ADGRB3: variants seen among roughly 807,000 people sequenced by gnomAD.
The protein encoded by ADGRB3 is adhesion G protein-coupled receptor B3.
Under a neutral mutation model 193.4 loss-of-function variants are expected in ADGRB3, and 37 were observed. That is an observed-to-expected ratio of 0.19 (90% CI 0.15 to 0.25). The LOEUF is 0.25. ADGRB3 is among the 10% of genes least tolerant of loss of function. The probability of loss-of-function intolerance (pLI) is 1.00; values close to 1 mark genes in which losing one functional copy is unlikely to be tolerated. For synonymous variants in ADGRB3, 690 were observed against 644.2 expected (o/e 1.07, Z -1.08); for missense variants, 1,637 against 1,852.9 (o/e 0.88, Z 2.14).
intron 20 of ADGRB3, among the ~76,000 whole-genome samples, chr6:69,311,455 A>G (rs1768190323): frequency 6.6e-6 from 1 of 151,778 alleles, no homozygotes; most frequent in Non-Finnish European, 1.5e-5. Context: ...CTTAGCTAAC[A>G]GAGGCTTCAA....
rs1311883198 is a variant in ADGRB3 at position 69,240,954 on chromosome 6, G to GT, written c.2814+1731dup. Among the ~76,000 whole-genome samples the GT allele has an allele frequency of 3.3e-5, 5 of 152,048 alleles. No individual in the cohort carries two copies. In the East Asian group the frequency reaches 7.7e-4, roughly 23 times the overall value. On this transcript the variant is annotated intron_variant, in intron 20 of 31. Transcript: ENST00000370598. Reference sequence around the variant, plus strand: ...AAGCTAAAGCCAGCTAGAGCTCAGAGTTTAAGTTTTTTTCACAAAACATTC... The same window carrying GT: ...AAGCTAAAGCCAGCTAGAGCTCAGAGTTTTAAGTTTTTTTCACAAAACATTC...
chr6:68,951,177 AT>A (rs200497463), intron 6 of ADGRB3, among the ~76,000 whole-genome samples: 10 of 152,120 alleles, frequency 6.6e-5, no homozygotes, highest in African/African-American at 1.9e-4. Context: ...GTTATTCTGG[AT>A]TTTAAAAAAA....
At chr6:69,294,930 G>A (rs777652989) in intron 20 of ADGRB3, among the ~76,000 whole-genome samples, 6 of 152,200 alleles carry the variant, frequency 3.9e-5, no homozygotes, top group Non-Finnish European at 7.4e-5. Context: ...ATATCACCTT[G>A]TTCAATTCAT....
At chr6:69,308,719 G>A (rs1768117532) in intron 20 of ADGRB3, among the ~76,000 whole-genome samples, 1 of 151,560 alleles carries the variant, frequency 6.6e-6, no homozygotes, top group African/African-American at 2.4e-5. Flanking sequence ...CTGATCATTA[G>A]GAACTAATTT....
At chr6:69,211,582 A>C (rs1405681949) in intron 17 of ADGRB3, among the ~76,000 whole-genome samples, 1 of 152,176 alleles carries the variant, frequency 6.6e-6, no homozygotes, top group Non-Finnish European at 1.5e-5. Context: ...GCCAACTCTA[A>C]CAAGTAGAAG....
At chr6:69,378,373 A>G (rs1210410115) in intron 30 of ADGRB3, among the ~76,000 whole-genome samples, 1 of 152,042 alleles carries the variant, frequency 6.6e-6, no homozygotes, top group African/African-American at 2.4e-5. Flanking sequence ...CTAAGATAGC[A>G]ACAAGCAAAG....
intron 3 of ADGRB3, among the ~76,000 whole-genome samples, chr6:68,649,997 T>C (rs559191628): frequency 6.6e-6 from 1 of 152,322 alleles, no homozygotes; most frequent in Admixed American, 6.5e-5. Flanking sequence ...AAAGCACTAT[T>C]CATGCTGTTG....
chr6:68,794,175 A>G (rs1767164060), intron 3 of ADGRB3, among the ~76,000 whole-genome samples: 1 of 152,116 alleles, frequency 6.6e-6, no homozygotes, highest in African/African-American at 2.4e-5. Flanking sequence ...GCTTATGTAT[A>G]TTAGCACATT....
rs990628685 is a variant in ADGRB3 at position 68,728,140 on chromosome 6, T to C, written c.757+88708T>C. 7.3e-5 allele frequency among the ~76,000 whole-genome samples: 11 copies of C among 151,538 alleles called. No individual in the cohort carries two copies. The Admixed American group carries it at 7.3e-4, about 10-fold the overall frequency. Reference sequence around the variant, plus strand: ...TAGTATAACACATTAATGAAATTCCTAGAACAGAGGCTATGTTCTTTGAAA... The same window carrying C: ...TAGTATAACACATTAATGAAATTCCCAGAACAGAGGCTATGTTCTTTGAAA... On this transcript the variant is annotated intron_variant, in intron 3 of 31. Coordinates refer to ENST00000370598, the MANE Select transcript of ADGRB3 (RefSeq NM_001704.3).
chr6:68,844,705 G>T (rs933722698), intron 3 of ADGRB3, among the ~76,000 whole-genome samples: 5 of 152,122 alleles, frequency 3.3e-5, no homozygotes, highest in African/African-American at 1.2e-4. Context: ...CCAAGATTGG[G>T]AAGCAACCTA....
rs1302792778 is a variant in ADGRB3, at chr6:68,817,304, CATGTATATATATATATATATATAT to C, written c.758-113252_758-113229del. On this transcript the variant is annotated intron_variant, in intron 3 of 31. Coordinates refer to ENST00000370598, the MANE Select transcript of ADGRB3 (RefSeq NM_001704.3). The stretch of plus-strand genomic sequence containing the variant: ...AAGGTATTTATTATTCCCTTTTGTC[CATGTATATATATATATATATATAT>C]ATATATATATATATATATATATATA... 3.2e-3 allele frequency among the ~76,000 whole-genome samples: 182 copies of C among 57,134 alleles called. 6 individuals are homozygous for C. Among genetic ancestry groups the C allele is most frequent in the Admixed American group, 0.011 (39 of 3,656 alleles). 37.5% of individuals were successfully genotyped at this position (57,134 alleles called of 152,430 possible).
chr6:68,740,014 A>C (rs1206791189), intron 3 of ADGRB3, among the ~76,000 whole-genome samples: 1 of 152,184 alleles, frequency 6.6e-6, no homozygotes, highest in East Asian at 1.9e-4. Context: ...ATTATTAATA[A>C]TAATAATGCC....
At chr6:68,970,908 C>T (rs911782521) in intron 8 of ADGRB3, among the ~76,000 whole-genome samples, 4 of 152,114 alleles carry the variant, frequency 2.6e-5, no homozygotes, top group Non-Finnish European at 2.9e-5. Context: ...GTTTTAGTTA[C>T]GGGAACAAGA....
intron 17 of ADGRB3, among the ~76,000 whole-genome samples, chr6:69,189,311 C>T (rs1020488666): frequency 7.9e-5 from 12 of 152,144 alleles, no homozygotes; most frequent in Non-Finnish European, 1.6e-4. Flanking sequence ...ACCTAAGGCT[C>T]ATTATCAGTT....
At chr6:68,877,100 T>C (rs921774136) in intron 3 of ADGRB3, among the ~76,000 whole-genome samples, 2 of 152,114 alleles carry the variant, frequency 1.3e-5, no homozygotes, top group African/African-American at 4.8e-5. Flanking sequence ...TTTTTTCTTT[T>C]AAGTCCTTGA....
At chr6:68,955,527 C>T (rs1012869088) in intron 6 of ADGRB3, among the ~76,000 whole-genome samples, 7 of 152,180 alleles carry the variant, frequency 4.6e-5, no homozygotes, top group East Asian at 1.9e-4. Flanking sequence ...TAGTGGCTCA[C>T]GCCTGTAATC....
intron 20 of ADGRB3, among the ~76,000 whole-genome samples, chr6:69,265,641 A>G (rs1767024124): frequency 6.6e-6 from 1 of 152,074 alleles, no homozygotes; most frequent in Admixed American, 6.6e-5. Context: ...TTTGTAAAAA[A>G]TCCAAAATAC....
chr6:68,790,991 A>G (rs1286630129), intron 3 of ADGRB3, among the ~76,000 whole-genome samples: 2 of 151,106 alleles, frequency 1.3e-5, no homozygotes, highest in African/African-American at 2.4e-5. Context: ...TGAGGAGAGG[A>G]TCGCTTGAGG....
chr6:68,867,336 T>C (rs1445242859), intron 3 of ADGRB3, among the ~76,000 whole-genome samples: 1 of 152,214 alleles, frequency 6.6e-6, no homozygotes, highest in Non-Finnish European at 1.5e-5. Flanking sequence ...CCTTGGTGGC[T>C]TCCATGTGGT....
Sources: allele counts gnomAD v4.1 joint callset (sites outside exome capture counted in the v4.1 genomes callset), GRCh38; gene constraint gnomAD v4.1.1; transcripts MANE v1.5; gene names NCBI Gene and HGNC (gene_info 2026-07-23, HGNC 2026-07-21).